Variants in CATSPERE observed in about 807,000 individuals in gnomAD.
CATSPERE encodes the protein catsper channel auxiliary subunit epsilon, also known as cation channel sperm-associated auxiliary subunit epsilon.
A neutral mutation model predicts 114.1 loss-of-function variants in CATSPERE; 93 were observed. The ratio of observed to expected loss-of-function variants is 0.81; its 90% CI spans 0.69 to 0.97. The LOEUF (loss-of-function observed/expected upper bound fraction) is 0.97. Among genes scored for constraint, CATSPERE ranks in the 50% least tolerant of loss-of-function variants. The pLI, the probability that CATSPERE is intolerant of heterozygous loss-of-function variation, is 0.00. For missense variants in CATSPERE, 1,058 were observed against 1,131.6 expected, an observed-to-expected ratio of 0.93 and a Z score of 0.93; for synonymous variants, 341 against 384.1, an observed-to-expected ratio of 0.89 and a Z score of 1.31.
chr1:244,626,021 G>A (rs1673153097), intron 20 of CATSPERE, among the ~76,000 whole-genome samples: 1 of 152,078 alleles, frequency 6.6e-6, no homozygotes, highest in South Asian at 2.1e-4. Flanking sequence ...CACTTATAGA[G>A]CACAGGCAGA....
chr1:244,534,918 C>A (rs1376520717), intron 8 of CATSPERE, among the ~76,000 whole-genome samples: 1 of 152,092 alleles, frequency 6.6e-6, no homozygotes, highest in Non-Finnish European at 1.5e-5. Flanking sequence ...CTTGGGAAGG[C>A]TTTCCAGGTA....
intron 9 of CATSPERE, among the ~76,000 whole-genome samples, chr1:244,553,602 T>TACACACACAC (rs67626437): frequency 0.053 from 4,883 of 91,852 alleles, 283 homozygotes; most frequent in Admixed American, 0.093. Flanking sequence ...AAAAAAAAAA[T>TACACACACAC]ACACACACAC....
chr1:244,519,719 C>G (rs1284197960), intron 8 of CATSPERE, among the ~76,000 whole-genome samples: 1 of 152,070 alleles, frequency 6.6e-6, no homozygotes. Context: ...CTGGAATAAG[C>G]AGGTTAGAAA....
intron 6 of CATSPERE, among the ~76,000 whole-genome samples, chr1:244,490,990 T>G (rs550833214): frequency 3.9e-4 from 59 of 152,224 alleles, no homozygotes; most frequent in South Asian, 8.3e-4. Flanking sequence ...CTTAATAATT[T>G]TTAAAAGTAT....
chr1:244,591,746 A>C lies in CATSPERE; in HGVS notation c.2189+15A>C. On this transcript the variant is annotated intron_variant, in intron 15 of 21. Coordinates refer to ENST00000366534, the MANE Select transcript of CATSPERE (RefSeq NM_001130957.2). ...GTGATTGAAAAGTAAGAAATTTTTT[A>C]ACATAAGCACTGAGTTTTATATTAA... The C allele has an allele frequency of 6.8e-7, 1 of 1,464,738 alleles. No homozygotes were observed. Among genetic ancestry groups the C allele is most frequent in the East Asian group, 2.3e-5 (1 of 43,756 alleles). The allele number at this position is 1,464,738 out of a possible 1,614,324, so 90.7% of individuals were successfully genotyped here. A position where few individuals can be genotyped will look rare whatever the true frequency, so the allele number is the denominator to read the frequency against.
intron 11 of CATSPERE, among the ~76,000 whole-genome samples, chr1:244,576,438 T>G (rs988310261): frequency 6.7e-6 from 1 of 149,674 alleles, no homozygotes; most frequent in Non-Finnish European, 1.5e-5. Context: ...CAAGGCAATT[T>G]TACTTTCTGC....
At chr1:244,513,053 T>C (rs1446475613) in intron 7 of CATSPERE, among the ~76,000 whole-genome samples, 1 of 152,182 alleles carries the variant, frequency 6.6e-6, no homozygotes, top group East Asian at 1.9e-4. Context: ...AGACCAATTC[T>C]TGGGCCTCCA....
intron 6 of CATSPERE, among the ~76,000 whole-genome samples, chr1:244,491,752 T>C (rs1217454087): frequency 6.6e-6 from 1 of 152,034 alleles, no homozygotes; most frequent in Non-Finnish European, 1.5e-5. Context: ...TAAAAAATGA[T>C]AAAGGGGATA....
chr1:244,606,087 G>C (rs1669958562), intron 18 of CATSPERE, among the ~76,000 whole-genome samples: 1 of 152,018 alleles, frequency 6.6e-6, no homozygotes, highest in South Asian at 2.1e-4. Context: ...ATTATTTATG[G>C]GTCTGCCTTT....
chr1:244,586,855 C>T (rs969700376), intron 13 of CATSPERE, among the ~76,000 whole-genome samples: 1 of 152,150 alleles, frequency 6.6e-6, no homozygotes, highest in Non-Finnish European at 1.5e-5. Flanking sequence ...GTAGGTATCC[C>T]AGCAGAGGGA....
At chr1:244,563,856 C>A (rs577388769) in intron 10 of CATSPERE, among the ~76,000 whole-genome samples, 2 of 152,034 alleles carry the variant, frequency 1.3e-5, no homozygotes, top group Non-Finnish European at 2.9e-5. Flanking sequence ...AATGGTATTG[C>A]CTAGGTTTTC....
chr1:244,452,026 C>T, upstream of CATSPERE: 2 of 447,734 alleles, frequency 4.5e-6, no homozygotes, highest in Non-Finnish European at 7.5e-6. Context: ...CTGCCCCGCG[C>T]AGGCCGGCCT....
intron 8 of CATSPERE, among the ~76,000 whole-genome samples, chr1:244,534,017 C>A (rs1680001319): frequency 6.6e-6 from 1 of 152,094 alleles, no homozygotes; most frequent in Admixed American, 6.5e-5. Context: ...TTGAAGGATA[C>A]TTTCACCAGA....
chr1:244,498,468 G>GA (rs2148272613), intron 6 of CATSPERE, among the ~76,000 whole-genome samples: 1 of 152,220 alleles, frequency 6.6e-6, no homozygotes, highest in South Asian at 2.1e-4. Context: ...GAATATTCAA[G>GA]AAAAATAAGA....
intron 5 of CATSPERE, among the ~76,000 whole-genome samples, chr1:244,486,391 C>A (rs1324034155): frequency 8.4e-6 from 1 of 118,458 alleles, no homozygotes; most frequent in Non-Finnish European, 1.7e-5. Flanking sequence ...GGGCCAGGTA[C>A]AGACCCTCGT....
At chr1:244,597,268 TCCCAAATCG>T (rs1668564361) in intron 17 of CATSPERE, among the ~76,000 whole-genome samples, 1 of 152,148 alleles carries the variant, frequency 6.6e-6, no homozygotes, top group African/African-American at 2.4e-5. Flanking sequence ...TCCCATTCTC[TCCCAAATCG>T]CCCTCAGCCT....
chr1:244,599,588 G>A (rs929934967), intron 17 of CATSPERE, among the ~76,000 whole-genome samples: 1 of 152,200 alleles, frequency 6.6e-6, no homozygotes, highest in Non-Finnish European at 1.5e-5. Context: ...AGCAGCAAGG[G>A]TAAAACCTTG....
rs185545563 is a variant in CATSPERE, at chr1:244,535,660, G to C, written c.537-16662G>C. ...TGGGGACTCACCTTTCAGGGCAGTT[G>C]GTTCCCCTCTGGCCCAAGTCAAGTC... is the stretch of plus-strand genomic sequence containing the variant. On this transcript the variant is annotated intron_variant, in intron 8 of 21. Coordinates refer to ENST00000366534, the MANE Select transcript of CATSPERE (RefSeq NM_001130957.2). Among the ~76,000 whole-genome samples the C allele has an allele frequency of 9.9e-5, 15 of 152,200 alleles. No homozygotes were observed. The East Asian group carries it at 2.3e-3, about 24-fold the overall frequency.
At chr1:244,466,009 T>C (rs971923597) in intron 2 of CATSPERE, among the ~76,000 whole-genome samples, 3 of 152,210 alleles carry the variant, frequency 2.0e-5, no homozygotes, top group South Asian at 2.1e-4. Flanking sequence ...TCCTAATTTA[T>C]TGAATATGGT....
Sources: gnomAD v4.1 joint callset for allele counts (sites outside exome capture counted in the v4.1 genomes callset) on GRCh38, gnomAD v4.1.1 for gene constraint, MANE v1.5 for transcripts, NCBI Gene and HGNC (gene_info 2026-07-23, HGNC 2026-07-21) for gene names.